The following RASSF9 variants were observed in gnomAD, a reference collection of about 807,000 sequenced individuals.
The protein encoded by RASSF9 is ras association domain-containing protein 9.
Under a neutral mutation model 21.4 loss-of-function variants are expected in RASSF9, and 18 were observed. The observed-to-expected ratio is 0.84, with a 90% confidence interval of 0.58 to 1.25. The LOEUF is 1.25. Ranked by LOEUF, RASSF9 falls within the 50% of genes most tolerant of loss-of-function variation. RASSF9 has a pLI of 0.00. For synonymous variants in RASSF9, 183 were observed against 179.1 expected, an observed-to-expected ratio of 1.02 and a Z score of -0.18; for missense variants, 480 against 503.2, an observed-to-expected ratio of 0.95 and a Z score of 0.44.
At chr12:85,812,993 A>G (rs971205384) in intron 1 of RASSF9, among the ~76,000 whole-genome samples, 1 of 151,836 alleles carries the variant, frequency 6.6e-6, no homozygotes, top group Non-Finnish European at 1.5e-5. Context: ...GATGAGCCCA[A>G]GAATGTTTTT....
Position 85,818,737 on chromosome 12 carries a change from G to A in RASSF9, c.48-12775C>T, listed in dbSNP as rs535265083. On this transcript the variant is annotated intron_variant, in intron 1 of 1. Transcript: ENST00000361228. ...GCACTTCGGGATGCCGAGGCGGGCG[G>A]ATCATGAGGTCAAGAAATCGAGACC... Among the ~76,000 whole-genome samples, 6 of 151,882 alleles carry A rather than the reference G, an allele frequency of 4.0e-5. No individual in the cohort carries two copies. The South Asian group carries it at 1.2e-3, about 32-fold the overall frequency.
intron 1 of RASSF9, among the ~76,000 whole-genome samples, chr12:85,806,844 T>C (rs989412494): frequency 6.6e-6 from 1 of 152,064 alleles, no homozygotes; most frequent in Non-Finnish European, 1.5e-5. Flanking sequence ...GTAGCGATAG[T>C]GAAATCATAG....
chr12:85,834,229 T>C (rs1343287455), intron 1 of RASSF9, among the ~76,000 whole-genome samples: 1 of 152,072 alleles, frequency 6.6e-6, no homozygotes, highest in Non-Finnish European at 1.5e-5. Context: ...GGAAATACTT[T>C]CATTAGAGAA....
In RASSF9 at chr12:85,805,430, C is replaced by A. The variant is rs958374063; in HGVS notation, c.580G>T (p.Asp194Tyr). 3.1e-6 allele frequency: 5 copies of A among 1,613,878 alleles called. No individual in the cohort carries two copies. In the East Asian group the frequency reaches 1.1e-4, roughly 36 times the overall value. The change falls in exon 2 of 2, where the codon GAC becomes TAC. Residue 194 changes from aspartate (D) to tyrosine (Y), a missense_variant. Physicochemically the swap from Asp to Tyr is radical, Grantham distance 160. Transcript: ENST00000361228. ...TTGACTTGCTGATGAATAGTATGGT[C>A]CTGGGAAATGATCAGATGAACTAAT... ...ETLVHLIISQ[D>Y]HTIHQQVKRM...
chr12:85,805,826 C>A lies in RASSF9; in HGVS notation c.184G>T (p.Ala62Ser). 6.2e-7 allele frequency: 1 copy of A among 1,613,956 alleles called. No individual in the cohort carries two copies. Among genetic ancestry groups the A allele is most frequent in the East Asian group, 2.2e-5 (1 of 44,860 alleles). Reference protein sequence around the residue: ...VIQALLEEHEATFGEKRFLLG... With the variant: ...VIQALLEEHESTFGEKRFLLG... Reference sequence around the variant, plus strand: ...AGAAATCGTTTCTCTCCAAACGTAGCCTCATGTTCCTCAAGCAAAGCCTGG... The same window carrying A: ...AGAAATCGTTTCTCTCCAAACGTAGACTCATGTTCCTCAAGCAAAGCCTGG... Residue 62 changes from alanine (A) to serine (S), a missense_variant, in exon 2 of 2, where the codon GCT becomes TCT. Coordinates refer to ENST00000361228, the MANE Select transcript of RASSF9 (RefSeq NM_005447.4).
rs60760019 is a variant in RASSF9 at position 85,818,956 on chromosome 12, C to CAAA, written c.48-12997_48-12995dup. 6.7e-3 allele frequency among the ~76,000 whole-genome samples: 444 copies of CAAA among 66,476 alleles called. 13 individuals are homozygous for CAAA. The highest frequency in any genetic ancestry group is 0.025 in the African/African-American group (409 of 16,274). 43.6% of individuals were successfully genotyped at this position (66,476 alleles called of 152,430 possible). ...CCTGGGCGAGAGAGCGAGACTCCGT[C>CAAA]AAAAAAAAAAAAAAAAAAAAAAAAG... is the stretch of plus-strand genomic sequence containing the variant. On this transcript the variant is annotated intron_variant, in intron 1 of 1. Transcript: ENST00000361228.
intron 1 of RASSF9, among the ~76,000 whole-genome samples, chr12:85,812,888 C>T (rs1213245317): frequency 6.6e-6 from 1 of 151,654 alleles, no homozygotes; most frequent in African/African-American, 2.4e-5. Flanking sequence ...TTCAACTAGT[C>T]TGTTTTTTTA....
At chr12:85,808,019 A>G (rs868726696) in intron 1 of RASSF9, among the ~76,000 whole-genome samples, 1 of 152,172 alleles carries the variant, frequency 6.6e-6, no homozygotes, top group African/African-American at 2.4e-5. Flanking sequence ...CTTTATTTAT[A>G]TAGTGCACTC....
chr12:85,806,073 T>A (rs1879825341), intron 1 of RASSF9, 111 bp from the exon 2 acceptor site: 6 of 1,156,862 alleles, frequency 5.2e-6, no homozygotes, highest in Non-Finnish European at 7.0e-6. Flanking sequence ...GAGAGAGGCA[T>A]TTTTTTTCTG....
At position 85,805,831 on chromosome 12, in the gene RASSF9, T is replaced by C. The variant is rs767448968; in HGVS notation, c.179A>G (p.His60Arg). The change falls in exon 2 of 2, where the codon CAT (histidine) becomes CGT (arginine). Residue 60 changes from histidine (H) to arginine (R), a missense_variant. Coordinates refer to ENST00000361228, the MANE Select transcript of RASSF9 (RefSeq NM_005447.4). ...TCGTTTCTCTCCAAACGTAGCCTCA[T>C]GTTCCTCAAGCAAAGCCTGGATGAC... ...ADVIQALLEE[H>R]EATFGEKRFL... 1.5e-5 allele frequency: 25 copies of C among 1,613,848 alleles called. No individual in the cohort carries two copies. In the South Asian group the frequency reaches 1.9e-4, roughly 12 times the overall value.
At position 85,814,026 on chromosome 12, in the gene RASSF9, C is replaced by T. The variant is rs59277152; in HGVS notation, c.48-8064G>A. On this transcript the variant is annotated intron_variant, in intron 1 of 1. Transcript: ENST00000361228. Reference sequence around the variant, plus strand: ...CTTGAGTCTCTGCAGAACAAGACTTCGTGCTTGAAAATCAGAGTCTGGACC... The same window carrying T: ...CTTGAGTCTCTGCAGAACAAGACTTTGTGCTTGAAAATCAGAGTCTGGACC... 4.2e-3 allele frequency among the ~76,000 whole-genome samples: 633 copies of T among 152,068 alleles called. 2 individuals carry two copies. The highest frequency in any genetic ancestry group is 0.015 in the African/African-American group (614 of 41,524).
intron 1 of RASSF9, among the ~76,000 whole-genome samples, chr12:85,809,922 T>C (rs954358437): frequency 6.6e-6 from 1 of 151,858 alleles, no homozygotes; most frequent in African/African-American, 2.4e-5. Flanking sequence ...ACAATCTGAC[T>C]GGCACCAAAA....
intron 1 of RASSF9, among the ~76,000 whole-genome samples, chr12:85,809,200 G>A (rs1354100694): frequency 4.6e-5 from 7 of 152,050 alleles, no homozygotes; most frequent in Non-Finnish European, 7.4e-5. Context: ...TCCAGAGTCC[G>A]CAGTTCTAAC....
chr12:85,831,351 AATTT>A (rs1477170604), intron 1 of RASSF9, among the ~76,000 whole-genome samples: 1 of 152,050 alleles, frequency 6.6e-6, no homozygotes, highest in Non-Finnish European at 1.5e-5. Context: ...CCAAAAAATT[AATTT>A]AAGTACTTCT....
chr12:85,810,437 G>A (rs751284062), intron 1 of RASSF9, among the ~76,000 whole-genome samples: 2 of 151,890 alleles, frequency 1.3e-5, no homozygotes, highest in African/African-American at 2.4e-5. Context: ...CCAGTTGCTA[G>A]ACTGATATAG....
chr12:85,822,540 C>T lies in RASSF9; in HGVS notation c.47+13615G>A, dbSNP rs376524933. The stretch of plus-strand genomic sequence containing the variant: ...AACGAGAGTATATCAGGGCCTGCCA[C>T]TCTATTTTGTTAAGGAAAAGGAGAG... On this transcript the variant is annotated intron_variant, in intron 1 of 1. Coordinates refer to ENST00000361228, the MANE Select transcript of RASSF9 (RefSeq NM_005447.4). 9.2e-5 allele frequency among the ~76,000 whole-genome samples: 14 copies of T among 152,210 alleles called. No homozygotes were observed. In the East Asian group the frequency reaches 1.7e-3, roughly 19 times the overall value.
At chr12:85,814,449 T>C (rs554560653) in intron 1 of RASSF9, among the ~76,000 whole-genome samples, 4 of 151,998 alleles carry the variant, frequency 2.6e-5, no homozygotes, top group Admixed American at 6.6e-5. Flanking sequence ...GAAATGTCAA[T>C]AGTGGCACTG....
chr12:85,835,682 T>C (rs576040818), intron 1 of RASSF9, among the ~76,000 whole-genome samples: 7 of 152,306 alleles, frequency 4.6e-5, no homozygotes, highest in Admixed American at 1.3e-4. Flanking sequence ...GTTTCTGAAT[T>C]GTATCAGCAG....
intron 1 of RASSF9, among the ~76,000 whole-genome samples, chr12:85,827,926 A>G (rs567041464): frequency 6.6e-5 from 10 of 152,338 alleles, no homozygotes; most frequent in African/African-American, 2.4e-4. Flanking sequence ...ATCAGAGGAA[A>G]AACCTTGATT....
Sources: gnomAD v4.1 joint callset for allele counts (sites outside exome capture counted in the v4.1 genomes callset) on GRCh38, gnomAD v4.1.1 for gene constraint, MANE v1.5 for transcripts, NCBI Gene and HGNC (gene_info 2026-07-23, HGNC 2026-07-21) for gene names.